Variants in DGKH observed in about 807,000 individuals in gnomAD.
DGKH encodes diacylglycerol kinase eta.
A neutral mutation model predicts 159.3 loss-of-function variants in DGKH; 90 were observed. That is an observed-to-expected ratio of 0.57 (90% CI 0.48 to 0.67). DGKH has a LOEUF of 0.67. Among genes scored for constraint, DGKH ranks in the 30% least tolerant of loss-of-function variants. The pLI is 0.00. For synonymous variants in DGKH, 536 were observed against 553.8 expected, an observed-to-expected ratio of 0.97 and a Z score of 0.45; for missense variants, 1,181 against 1,506.1, an observed-to-expected ratio of 0.78 and a Z score of 3.57.
At chr13:42,212,562 A>G (rs1010310676) in intron 24 of DGKH, among the ~76,000 whole-genome samples, 1 of 152,178 alleles carries the variant, frequency 6.6e-6, no homozygotes, top group African/African-American at 2.4e-5. Flanking sequence ...ATCTTATTGT[A>G]AAAAGGAAGC....
At chr13:42,245,895 G>A (rs977232711), downstream of DGKH, among the ~76,000 whole-genome samples, 4 of 152,068 alleles carry the variant, frequency 2.6e-5, no homozygotes, top group African/African-American at 9.7e-5. Context: ...CTGAGGCACC[G>A]CCTGATTCTG....
chr13:42,164,132 A>G (rs956369426), intron 7 of DGKH, among the ~76,000 whole-genome samples: 1 of 152,232 alleles, frequency 6.6e-6, no homozygotes, highest in African/African-American at 2.4e-5. Flanking sequence ...GTGAAAAAAG[A>G]AAACAAACAA....
At chr13:42,149,857 G>C (rs974185172) in intron 3 of DGKH, among the ~76,000 whole-genome samples, 1 of 152,216 alleles carries the variant, frequency 6.6e-6, no homozygotes, top group African/African-American at 2.4e-5. Flanking sequence ...GGGAAAACCA[G>C]AAAACTCTTA....
At chr13:42,206,975 T>TTCTTTC (rs1555275939) in intron 21 of DGKH, among the ~76,000 whole-genome samples, 39 of 82,358 alleles carry the variant, frequency 4.7e-4, no homozygotes, top group African/African-American at 2.0e-3. Context: ...TACTTTTACT[T>TTCTTTC]TTTCTTTCTT....
intron 1 of DGKH, among the ~76,000 whole-genome samples, chr13:42,116,638 C>T (rs936622063): frequency 6.6e-6 from 1 of 152,152 alleles, no homozygotes; most frequent in Non-Finnish European, 1.5e-5. Context: ...AAAGGCTCAT[C>T]GAAGGGCTGT....
chr13:42,171,350 C>CT (rs1956450195), intron 11 of DGKH, among the ~76,000 whole-genome samples: 1 of 152,358 alleles, frequency 6.6e-6, no homozygotes, highest in Middle Eastern at 3.4e-3. Flanking sequence ...ACTCTGCACT[C>CT]TTTCCCCTTT....
Position 42,159,449 on chromosome 13 carries a change from A to T in DGKH, c.729+77A>T, listed in dbSNP as rs1594115702. On this transcript the variant is annotated intron_variant, in intron 6 of 29. Coordinates refer to ENST00000337343, the MANE Select transcript of DGKH (RefSeq NM_178009.5). ...TCTGCTCTTGTGGAAGCTGAGAAAG[A>T]TAAGTAGGAATGCTTATTATTAGGA... 1.6e-5 allele frequency: 16 copies of T among 992,694 alleles called. 1 individual carries two copies. In the Middle Eastern group the frequency reaches 8.2e-4, roughly 51 times the overall value. The allele number at this position is 992,694 out of a possible 1,614,324, so 61.5% of individuals were successfully genotyped here.
chr13:42,088,177 C>A (rs1954345050), intron 1 of DGKH, among the ~76,000 whole-genome samples: 1 of 152,104 alleles, frequency 6.6e-6, no homozygotes, highest in Non-Finnish European at 1.5e-5. Flanking sequence ...TGAAAAATAT[C>A]TTTCAAAAGT....
intron 1 of DGKH, among the ~76,000 whole-genome samples, chr13:42,107,915 A>C (rs1954791551): frequency 6.6e-6 from 1 of 152,142 alleles, no homozygotes; most frequent in Admixed American, 6.5e-5. Context: ...ATGGAGGACA[A>C]AAGGGATTTT....
chr13:42,256,160 G>T (rs1410103483), intron 30 of DGKH: 1 of 1,205,548 alleles, frequency 8.3e-7, no homozygotes, highest in African/African-American at 1.5e-5. Context: ...TGTAGCCCAA[G>T]TCATGGGGAA....
At chr13:42,066,385 G>C (rs1018718850) in intron 1 of DGKH, 18 of 152,312 alleles carry the variant, frequency 1.2e-4, no homozygotes, top group African/African-American at 3.4e-4. Context: ...TCACTGTGAG[G>C]TGAAAGGTCG....
At position 42,207,288 on chromosome 13, in the gene DGKH, C is replaced by T. The variant is rs567153945; in HGVS notation, c.2601+1142C>T. On this transcript the variant is annotated intron_variant, in intron 21 of 29. Coordinates refer to ENST00000337343, the MANE Select transcript of DGKH (RefSeq NM_178009.5). ...CGCTACAACCTCTGCCTCTCAGGTT[C>T]AAGCAGTTCCCCTGCCTCAGCCTCC... 1.5e-4 allele frequency among the ~76,000 whole-genome samples: 23 copies of T among 151,028 alleles called. 1 individual carries two copies. The South Asian group carries it at 4.0e-3, about 26-fold the overall frequency.
intron 13 of DGKH, among the ~76,000 whole-genome samples, chr13:42,181,276 C>CAAAAAAAAAAA (rs34220072): frequency 1.2e-5 from 1 of 81,238 alleles, no homozygotes; most frequent in Non-Finnish European, 2.5e-5. Flanking sequence ...GACTCTGTCT[C>CAAAAAAAAAAA]AAAAAAAAAA....
chr13:42,055,273 C>A (rs1881670707), intron 1 of DGKH, among the ~76,000 whole-genome samples: 1 of 152,062 alleles, frequency 6.6e-6, no homozygotes, highest in African/African-American at 2.4e-5. Context: ...GATTTCAGTC[C>A]ATTTAAAAAA....
At chr13:42,208,934 A>T (rs749925239) in intron 21 of DGKH, 25 bp from the exon 22 acceptor site, 1 of 1,549,032 alleles carries the variant, frequency 6.5e-7, no homozygotes, top group Non-Finnish European at 8.8e-7. Context: ...CATTCAGTAG[A>T]AGTGTAATGT....
At chr13:42,061,192 T>C (rs6561032) in intron 1 of DGKH, among the ~76,000 whole-genome samples, 126,368 of 152,110 alleles carry the variant, frequency 0.83, 52,751 homozygotes, top group East Asian at 1. Context: ...TTATATAGCA[T>C]GTGTGGAAGG....
At position 42,126,362 on chromosome 13, in the gene DGKH, A is replaced by C. The variant is rs371847693; in HGVS notation, c.193-1101A>C. Among the ~76,000 whole-genome samples the C allele has an allele frequency of 5.3e-5, 8 of 152,266 alleles. No homozygotes were observed. In the South Asian group the frequency reaches 1.7e-3, roughly 32 times the overall value. On this transcript the variant is annotated intron_variant, in intron 1 of 29. Coordinates refer to ENST00000337343, the MANE Select transcript of DGKH (RefSeq NM_178009.5). ...TCAGGTGGGTCTCATTGAGATGGTC[A>C]AGACCTGAAGGAGGTGAAGGGGTCA...
chr13:42,173,898 C>T (rs541200656), intron 11 of DGKH, among the ~76,000 whole-genome samples, 162 bp from the exon 12 acceptor site: 7 of 151,556 alleles, frequency 4.6e-5, no homozygotes, highest in South Asian at 4.2e-4. Flanking sequence ...ATCTCTTTTC[C>T]CATTTTTGGT....
chr13:42,146,120 G>T (rs920558618), intron 3 of DGKH, among the ~76,000 whole-genome samples: 7 of 146,562 alleles, frequency 4.8e-5, no homozygotes, highest in African/African-American at 1.7e-4. Flanking sequence ...TCCCTTTGGA[G>T]CCTTTGTAAG....
Sources: allele counts gnomAD v4.1 joint callset (sites outside exome capture counted in the v4.1 genomes callset), GRCh38; gene constraint gnomAD v4.1.1; transcripts MANE v1.5; gene names NCBI Gene and HGNC (gene_info 2026-07-23, HGNC 2026-07-21).